THSD7B: variants seen among roughly 807,000 people sequenced by gnomAD.
The protein encoded by THSD7B is thrombospondin type-1 domain-containing protein 7B.
A neutral mutation model predicts 213.6 loss-of-function variants in THSD7B; 138 were observed. The ratio of observed to expected loss-of-function variants is 0.65; its 90% CI spans 0.56 to 0.74. The LOEUF (loss-of-function observed/expected upper bound fraction) is 0.74, where lower values mean the gene tolerates loss of function less well. Among genes scored for constraint, THSD7B ranks in the 30% least tolerant of loss-of-function variants. THSD7B has a pLI of 0.00. For missense variants in THSD7B, 1,931 were observed against 1,991.5 expected (o/e 0.97, Z 0.58); for synonymous variants, 742 against 687.0 (o/e 1.08, Z -1.25).
At chr2:137,635,294 G>A (rs1336449641) in intron 20 of THSD7B, among the ~76,000 whole-genome samples, 1 of 152,114 alleles carries the variant, frequency 6.6e-6, no homozygotes, top group South Asian at 2.1e-4. Flanking sequence ...CCATATTTAT[G>A]ATTGAATTTA....
chr2:137,618,411 G>C lies in THSD7B; in HGVS notation c.3585G>C (p.Leu1195=). The C allele has an allele frequency of 1.2e-6, 2 of 1,613,828 alleles. No individual in the cohort carries two copies. The highest frequency in any genetic ancestry group is 1.7e-6 in the Non-Finnish European group (2 of 1,179,850). ...CTGTAGAGTGGAGCACATGCCAGCT[G>C]AGTGAAAACGCACCCTGTGGTCAAG... ...YNLTEWSTCQ[L]SENAPCGQGV... The change falls in exon 19 of 28, where the codon CTG becomes CTC. Residue 1195 remains leucine, a synonymous_variant. Transcript: ENST00000409968.
intron 12 of THSD7B, among the ~76,000 whole-genome samples, chr2:137,283,472 G>T (rs1683086778): frequency 1.3e-5 from 2 of 152,094 alleles, no homozygotes; most frequent in South Asian, 2.1e-4. Context: ...TCCCTGTCTT[G>T]TGCCAGTTTT....
intron 21 of THSD7B, among the ~76,000 whole-genome samples, chr2:137,654,038 G>A (rs1683187391): frequency 6.6e-6 from 1 of 151,714 alleles, no homozygotes; most frequent in Admixed American, 6.6e-5. Flanking sequence ...TTGTCAGTGT[G>A]GCTTGTTTTG....
intron 20 of THSD7B, among the ~76,000 whole-genome samples, chr2:137,640,156 G>A (rs1013272583): frequency 2.4e-4 from 37 of 152,098 alleles, no homozygotes; most frequent in Non-Finnish European, 4.1e-4. Context: ...GGGACCCAGG[G>A]GGAGGTAACT....
chr2:137,606,102 T>C (rs914792249), intron 17 of THSD7B, among the ~76,000 whole-genome samples: 2 of 152,132 alleles, frequency 1.3e-5, no homozygotes, highest in African/African-American at 4.8e-5. Context: ...CACCCGGATA[T>C]TGGCACATTT....
At chr2:137,058,159 A>C (rs1687203816) in intron 3 of THSD7B, among the ~76,000 whole-genome samples, 1 of 151,048 alleles carries the variant, frequency 6.6e-6, no homozygotes, top group African/African-American at 2.5e-5. Context: ...GAACAAAGTA[A>C]TGTGATGATT....
intron 15 of THSD7B, among the ~76,000 whole-genome samples, chr2:137,486,837 A>T (rs533326951): frequency 3.7e-4 from 56 of 152,236 alleles, no homozygotes; most frequent in African/African-American, 1.2e-3. Flanking sequence ...GGATTAAGAA[A>T]CTCACTCAAA....
intron 1 of THSD7B, among the ~76,000 whole-genome samples, chr2:136,828,397 G>A (rs759920602): frequency 3.9e-5 from 6 of 152,018 alleles, no homozygotes; most frequent in Non-Finnish European, 8.8e-5. Context: ...CCTCCCCACA[G>A]CCACCATCCT....
chr2:137,237,105 C>T (rs1416417380), intron 9 of THSD7B, among the ~76,000 whole-genome samples: 1 of 119,770 alleles, frequency 8.3e-6, no homozygotes, highest in Non-Finnish European at 1.7e-5. Flanking sequence ...AAGAGAGAAA[C>T]TCCGTCTCAA....
intron 12 of THSD7B, among the ~76,000 whole-genome samples, chr2:137,298,936 A>G (rs1683531675): frequency 6.6e-6 from 1 of 152,170 alleles, no homozygotes; most frequent in Admixed American, 6.5e-5. Flanking sequence ...GTCCCCACAC[A>G]GAGTCCCTAG....
chr2:136,872,212 T>C (rs1683440309), intron 1 of THSD7B, among the ~76,000 whole-genome samples: 1 of 152,142 alleles, frequency 6.6e-6, no homozygotes, highest in African/African-American at 2.4e-5. Context: ...ATTCAGACAG[T>C]GGCTGCAGCT....
chr2:136,871,647 G>A (rs1161602125), intron 1 of THSD7B, among the ~76,000 whole-genome samples: 2 of 152,178 alleles, frequency 1.3e-5, no homozygotes, highest in African/African-American at 4.8e-5. Flanking sequence ...TTATAAGAAT[G>A]TATCCATGAT....
intron 2 of THSD7B, among the ~76,000 whole-genome samples, chr2:137,005,877 A>T (rs568990690): frequency 1.3e-5 from 2 of 152,126 alleles, no homozygotes; most frequent in Non-Finnish European, 2.9e-5. Context: ...TTGGAGGGAA[A>T]ACTCATTTAA....
chr2:137,165,673 T>A (rs1165888470), intron 6 of THSD7B, among the ~76,000 whole-genome samples: 1 of 152,090 alleles, frequency 6.6e-6, no homozygotes, highest in Non-Finnish European at 1.5e-5. Context: ...TAGCTTCACA[T>A]CTGAATTCTC....
intron 2 of THSD7B, among the ~76,000 whole-genome samples, chr2:136,985,840 C>A (rs1270674636): frequency 6.6e-6 from 1 of 152,236 alleles, no homozygotes; most frequent in Non-Finnish European, 1.5e-5. Flanking sequence ...AGGGACTGCA[C>A]CCTGCAAAGC....
In THSD7B at chr2:137,362,596, CAAA is replaced by C. The variant is rs555320154; in HGVS notation, c.2501-43014_2501-43012del. 9.0e-3 allele frequency among the ~76,000 whole-genome samples: 1,360 copies of C among 151,936 alleles called. 30 individuals carry two copies. The highest frequency in any genetic ancestry group is 0.031 in the African/African-American group (1,285 of 41,450). ...CAGGGGTTGCAATCCTCGTCTCTGA[CAAA>C]AACAGTCTTTAAACCAACAAAGATC... On this transcript the variant is annotated intron_variant, in intron 12 of 27. Transcript: ENST00000409968.
intron 1 of THSD7B, among the ~76,000 whole-genome samples, chr2:136,818,408 G>T (rs1222405107): frequency 6.7e-6 from 1 of 148,666 alleles, no homozygotes; most frequent in Admixed American, 6.7e-5. Context: ...GGGGTGGGGG[G>T]AGTGGGGAGG....
At chr2:137,506,632 C>T (rs1368049162) in intron 15 of THSD7B, among the ~76,000 whole-genome samples, 1 of 152,192 alleles carries the variant, frequency 6.6e-6, no homozygotes. Context: ...ACAGACTTCT[C>T]CATTAGCATT....
At chr2:137,296,736 A>T (rs4408774) in intron 12 of THSD7B, among the ~76,000 whole-genome samples, 14,777 of 152,106 alleles carry the variant, frequency 0.097, 873 homozygotes, top group Non-Finnish European at 0.13. Context: ...TTATCATTGA[A>T]AACAACAACT....
Sources: gnomAD v4.1 joint callset for allele counts (sites outside exome capture counted in the v4.1 genomes callset) on GRCh38, gnomAD v4.1.1 for gene constraint, MANE v1.5 for transcripts, NCBI Gene and HGNC (gene_info 2026-07-23, HGNC 2026-07-21) for gene names.